HDAC9: variants seen among roughly 807,000 people sequenced by gnomAD.
HDAC9 encodes the protein MEF-2 interacting transcription repressor (MITR) protein.
A neutral mutation model predicts 139.4 loss-of-function variants in HDAC9; 41 were observed. The ratio of observed to expected loss-of-function variants is 0.29; its 90% CI spans 0.23 to 0.38. The LOEUF is 0.38. Among genes scored for constraint, HDAC9 ranks in the 10% least tolerant of loss-of-function variants. The pLI is 1.00. For missense variants in HDAC9, 1,147 were observed against 1,297.0 expected (o/e 0.88, Z 1.78); for synonymous variants, 517 against 476.2 (o/e 1.09, Z -1.12).
intron 2 of HDAC9, 119 bp downstream of exon 2, chr7:18,496,443 A>G (rs566625122): frequency 2.4e-5 from 20 of 834,094 alleles, no homozygotes; most frequent in Admixed American, 1.1e-4. Flanking sequence ...TGATGTTGCT[A>G]TTTTCTTGGT....
At chr7:18,602,473 CT>C (rs36120359) in intron 6 of HDAC9, among the ~76,000 whole-genome samples, 1 of 150,272 alleles carries the variant, frequency 6.7e-6, no homozygotes, top group Admixed American at 6.6e-5. Context: ...TTAATTTTTA[CT>C]TTTTTTTTCT....
intron 1 of HDAC9, among the ~76,000 whole-genome samples, chr7:18,381,447 G>A (rs537284784): frequency 1.4e-4 from 22 of 151,740 alleles, no homozygotes; most frequent in African/African-American, 4.1e-4. Flanking sequence ...AGAAAATCAC[G>A]GGAGATTTAA....
chr7:18,784,117 G>GTATTAT (rs796864616), intron 16 of HDAC9, among the ~76,000 whole-genome samples: 4 of 98,608 alleles, frequency 4.1e-5, no homozygotes, highest in Admixed American at 1.1e-4. Context: ...GTCTTTCTGG[G>GTATTAT]TATTATTATT....
At chr7:18,674,711 C>T (rs1051367974) in intron 12 of HDAC9, among the ~76,000 whole-genome samples, 7 of 151,998 alleles carry the variant, frequency 4.6e-5, no homozygotes, top group Middle Eastern at 3.2e-3. Flanking sequence ...ATTTTATTCT[C>T]ACTTTTATTT....
chr7:18,732,560 C>CACGTGTATATGTGTGCAT (rs397829036), intron 13 of HDAC9, among the ~76,000 whole-genome samples: 1 of 129,710 alleles, frequency 7.7e-6, no homozygotes, highest in African/African-American at 3.3e-5. Flanking sequence ...TATATACACA[C>CACGTGTATATGTGTGCAT]GTGTATATAT....
At chr7:18,513,963 T>C (rs942691998) in intron 2 of HDAC9, among the ~76,000 whole-genome samples, 1 of 152,244 alleles carries the variant, frequency 6.6e-6, no homozygotes, top group Non-Finnish European at 1.5e-5. Context: ...TTAAACGTTA[T>C]TGCTTATTTT....
intron 12 of HDAC9, among the ~76,000 whole-genome samples, chr7:18,710,464 A>G (rs1784261678): frequency 6.6e-6 from 1 of 152,216 alleles, no homozygotes; most frequent in Non-Finnish European, 1.5e-5. Flanking sequence ...ACACATGCAC[A>G]CATATACAGA....
intron 21 of HDAC9, among the ~76,000 whole-genome samples, chr7:18,871,438 G>T (rs2028015): frequency 1.3e-5 from 2 of 151,902 alleles, no homozygotes; most frequent in Non-Finnish European, 2.9e-5. Context: ...TGTCACTGGG[G>T]TGCCATTGCT....
intron 17 of HDAC9, among the ~76,000 whole-genome samples, chr7:18,801,869 ATAATATCCTCTTT>A (rs1793323614): frequency 6.6e-6 from 1 of 152,036 alleles, no homozygotes; most frequent in South Asian, 2.1e-4. Flanking sequence ...GAATCCGTTC[ATAATATCCTCTTT>A]TAACACTTCA....
intron 1 of HDAC9, among the ~76,000 whole-genome samples, chr7:18,368,575 G>A (rs1030201843): frequency 2.0e-5 from 3 of 151,674 alleles, no homozygotes; most frequent in South Asian, 2.1e-4. Flanking sequence ...AAACCCCCAA[G>A]GTTTATATTA....
At chr7:18,836,275 A>G (rs1031857920) in intron 21 of HDAC9, among the ~76,000 whole-genome samples, 2 of 152,160 alleles carry the variant, frequency 1.3e-5, no homozygotes, top group African/African-American at 4.8e-5. Flanking sequence ...CTATTTTAAC[A>G]TATGATGTGG....
intron 12 of HDAC9, among the ~76,000 whole-genome samples, chr7:18,719,343 T>C (rs1031598912): frequency 7.3e-6 from 1 of 136,822 alleles, no homozygotes; most frequent in African/African-American, 2.8e-5. Context: ...TTTTTTTTTT[T>C]TTTTTTTTTT....
chr7:18,732,778 T>TAC lies in HDAC9; in HGVS notation c.1909+5028_1909+5029dup, dbSNP rs1397286114. 1.7e-3 allele frequency among the ~76,000 whole-genome samples: 141 copies of TAC among 84,288 alleles called. 17 individuals carry two copies. Among genetic ancestry groups the TAC allele is most frequent in the African/African-American group, 7.5e-3 (107 of 14,174 alleles). 55.3% of individuals were successfully genotyped at this position (84,288 alleles called of 152,430 possible). A position where few individuals can be genotyped will look rare whatever the true frequency, so the allele number is the denominator to read the frequency against. ...ACACACGTGTATGTGTGCGTATGTG[T>TAC]ACACACACGTGTGTTTGTGTGCGTA... is the stretch of plus-strand genomic sequence containing the variant. On this transcript the variant is annotated intron_variant, in intron 13 of 25. Coordinates refer to ENST00000686413, the MANE Select transcript of HDAC9 (RefSeq NM_178425.4).
At chr7:18,920,480 T>C (rs1195063360) in intron 22 of HDAC9, among the ~76,000 whole-genome samples, 1 of 152,132 alleles carries the variant, frequency 6.6e-6, no homozygotes, top group African/African-American at 2.4e-5. Context: ...TTGAATGCCC[T>C]TTATTTCCTT....
At chr7:18,644,488 C>G (rs1372305649) in intron 8 of HDAC9, among the ~76,000 whole-genome samples, 183 bp from the exon 9 acceptor site, 1 of 152,002 alleles carries the variant, frequency 6.6e-6, no homozygotes, top group Admixed American at 6.6e-5. Flanking sequence ...GATTTTATAA[C>G]TATGTCTTTG....
chr7:18,614,705 C>A (rs2128921232), intron 6 of HDAC9, among the ~76,000 whole-genome samples: 1 of 152,244 alleles, frequency 6.6e-6, no homozygotes, highest in East Asian at 1.9e-4. Context: ...AACATTTTTT[C>A]TACCCATCAT....
chr7:18,538,432 G>A (rs1042778847), intron 2 of HDAC9, among the ~76,000 whole-genome samples: 1 of 152,224 alleles, frequency 6.6e-6, no homozygotes, highest in Non-Finnish European at 1.5e-5. Flanking sequence ...TGACATTTAT[G>A]TTGTGGTAGA....
At chr7:18,602,299 C>T (rs572032160) in intron 6 of HDAC9, among the ~76,000 whole-genome samples, 1 of 151,906 alleles carries the variant, frequency 6.6e-6, no homozygotes, top group Admixed American at 6.6e-5. Context: ...ATAGTTATGA[C>T]CCCTCTTTCA....
intron 2 of HDAC9, among the ~76,000 whole-genome samples, chr7:18,221,474 C>G (rs1584709448): frequency 1.3e-5 from 2 of 152,288 alleles, no homozygotes; most frequent in Middle Eastern, 6.8e-3. Context: ...ATTTATGAAA[C>G]TCCTACATTG....
Sources: allele counts gnomAD v4.1 joint callset (sites outside exome capture counted in the v4.1 genomes callset), GRCh38; gene constraint gnomAD v4.1.1; transcripts MANE v1.5; gene names NCBI Gene and HGNC (gene_info 2026-07-23, HGNC 2026-07-21).